Variants in LOC122539214 observed in about 807,000 individuals in gnomAD.
At chr19:52,669,718 T>C in the LOC122539214 span, among the ~76,000 whole-genome samples, 5 of 152,182 alleles carry the variant, frequency 3.3e-5, no homozygotes, top group African/African-American at 9.6e-5. Flanking sequence ...TGGAAAAGAA[T>C]AGTAGCCTCA....
chr19:52,678,034 A>C, the LOC122539214 span, among the ~76,000 whole-genome samples: 23 of 151,056 alleles, frequency 1.5e-4, no homozygotes, highest in Non-Finnish European at 2.5e-4. Context: ...GACTGTCTCA[A>C]AAAACAAAAC....
chr19:52,653,869 T>C, the LOC122539214 span, among the ~76,000 whole-genome samples: 1 of 152,240 alleles, frequency 6.6e-6, no homozygotes. Flanking sequence ...ATGTGAGCTA[T>C]AATTAAAGGC....
the LOC122539214 span, among the ~76,000 whole-genome samples, chr19:52,677,306 T>TAAAAA: frequency 1.9e-5 from 2 of 106,460 alleles, no homozygotes; most frequent in East Asian, 5.1e-4. Context: ...AATTGAGAAG[T>TAAAAA]AAAAAAAAAA....
At chr19:52,684,364 A>G in the LOC122539214 span, among the ~76,000 whole-genome samples, 71 of 151,926 alleles carry the variant, frequency 4.7e-4, no homozygotes, top group African/African-American at 1.6e-3. Context: ...AGACTCAAAA[A>G]TAAAATATAA....
the LOC122539214 span, among the ~76,000 whole-genome samples, chr19:52,685,497 G>A: frequency 1.3e-5 from 2 of 152,138 alleles, no homozygotes; most frequent in Non-Finnish European, 2.9e-5. Flanking sequence ...AAAAATCACA[G>A]TCACATTCAT....
the LOC122539214 span, among the ~76,000 whole-genome samples, chr19:52,661,695 C>A: frequency 6.6e-6 from 1 of 152,184 alleles, no homozygotes; most frequent in Admixed American, 6.5e-5. Context: ...TGGCTCTGCT[C>A]TCCCCTTGGG....
the LOC122539214 span, among the ~76,000 whole-genome samples, chr19:52,662,350 G>T: frequency 1.3e-5 from 2 of 152,140 alleles, no homozygotes; most frequent in African/African-American, 4.8e-5. Flanking sequence ...ATTTGGAGAC[G>T]CCTGTTTAAT....
chr19:52,668,939 G>A, the LOC122539214 span, among the ~76,000 whole-genome samples: 1 of 152,114 alleles, frequency 6.6e-6, no homozygotes, highest in African/African-American at 2.4e-5. Context: ...GCCCTCCAGG[G>A]CCATCCAGCT....
chr19:52,671,908 G>A, the LOC122539214 span, among the ~76,000 whole-genome samples: 9 of 152,076 alleles, frequency 5.9e-5, no homozygotes, highest in East Asian at 1.9e-4. Context: ...AAGTTATTCC[G>A]TTTTACTTGG....
At chr19:52,680,606 AT>A in the LOC122539214 span, among the ~76,000 whole-genome samples, 249 of 88,926 alleles carry the variant, frequency 2.8e-3, 1 homozygote, top group African/African-American at 6.8e-3. Context: ...TCCACAAAAT[AT>A]TTTTTTTTTT....
the LOC122539214 span, among the ~76,000 whole-genome samples, chr19:52,658,521 C>T: frequency 6.6e-6 from 1 of 152,158 alleles, no homozygotes; most frequent in Admixed American, 6.6e-5. Context: ...GCCGAGATTG[C>T]ACCACTGCAC....
chr19:52,666,819 C>T, the LOC122539214 span, among the ~76,000 whole-genome samples: 2 of 152,122 alleles, frequency 1.3e-5, no homozygotes, highest in Non-Finnish European at 2.9e-5. Flanking sequence ...GAACTCCCTT[C>T]CAGACAGGAC....
At chr19:52,669,144 G>GA in the LOC122539214 span, among the ~76,000 whole-genome samples, 1 of 152,208 alleles carries the variant, frequency 6.6e-6, no homozygotes, top group Non-Finnish European at 1.5e-5. Context: ...CTGAGTAACT[G>GA]AAGTGGCACT....
the LOC122539214 span, among the ~76,000 whole-genome samples, chr19:52,679,562 G>A: frequency 1.3e-5 from 2 of 152,196 alleles, no homozygotes; most frequent in South Asian, 4.1e-4. Flanking sequence ...AATGAGCACA[G>A]ATTGCACCAC....
the LOC122539214 span, among the ~76,000 whole-genome samples, chr19:52,687,643 A>ATAATGTG: frequency 4.6e-4 from 17 of 36,564 alleles, no homozygotes; most frequent in Admixed American, 3.6e-3. Flanking sequence ...GTATATATAT[A>ATAATGTG]TATATATATA....
chr19:52,689,920 G>A, the LOC122539214 span, among the ~76,000 whole-genome samples: 4 of 152,200 alleles, frequency 2.6e-5, no homozygotes, highest in Non-Finnish European at 1.5e-5. Flanking sequence ...CAGGAGAAGC[G>A]GTGACTGCGG....
At chr19:52,669,073 C>T in the LOC122539214 span, among the ~76,000 whole-genome samples, 2 of 152,320 alleles carry the variant, frequency 1.3e-5, no homozygotes, top group African/African-American at 4.8e-5. Context: ...ATCAGCCACT[C>T]TTTATTCATC....
At chr19:52,662,051 T>C in the LOC122539214 span, among the ~76,000 whole-genome samples, 55 of 151,908 alleles carry the variant, frequency 3.6e-4, no homozygotes, top group South Asian at 0.011. Context: ...ATCAGGGAGG[T>C]CCTGGGAGCA....
At chr19:52,689,530 C>A in the LOC122539214 span, among the ~76,000 whole-genome samples, 15 of 152,266 alleles carry the variant, frequency 9.9e-5, no homozygotes, top group Admixed American at 5.9e-4. Context: ...CCCTGATGAG[C>A]CTCCCTCTTT....
Sources: allele counts gnomAD v4.1 joint callset (sites outside exome capture counted in the v4.1 genomes callset), GRCh38; gene constraint gnomAD v4.1.1; transcripts MANE v1.5.